The following CCR2 variants were observed in gnomAD, a reference collection of about 807,000 sequenced individuals.
The protein encoded by CCR2 is C-C chemokine receptor type 2.
For synonymous variants in CCR2, 183 were observed against 177.1 expected, an observed-to-expected ratio of 1.03 and a Z score of -0.27; for missense variants, 408 against 440.0, an observed-to-expected ratio of 0.93 and a Z score of 0.65.
rs769048884 is a variant in CCR2 at position 46,357,665 on chromosome 3, T to C, written c.138T>C (p.Pro46=). Residue 46 remains proline (P), a synonymous_variant, in exon 2 of 2, where the codon CCT becomes CCC. Coordinates refer to ENST00000445132, the MANE Select transcript of CCR2 (RefSeq NM_001123396.4). ...AGCAAATTGGGGCCCAACTCCTGCC[T>C]CCGCTCTACTCGCTGGTGTTCATCT... The part of the protein sequence containing the change: ...DVKQIGAQLL[P]PLYSLVFIFG... 2.5e-6 allele frequency: 4 copies of C among 1,614,034 alleles called. No homozygotes were observed. In the African/African-American group the frequency reaches 5.3e-5, roughly 22 times the overall value.
intron 1 of CCR2, among the ~76,000 whole-genome samples, chr3:46,355,129 C>T (rs969865947): frequency 1.3e-5 from 2 of 152,138 alleles, no homozygotes; most frequent in African/African-American, 4.8e-5. Flanking sequence ...AAAATAGAAG[C>T]ATAATCCAGT....
In CCR2 at chr3:46,358,909, A is replaced by C; in HGVS notation, c.*299A>C. On this transcript the variant is annotated 3_prime_UTR_variant, in exon 2 of 2. Transcript: ENST00000445132. ...CTAGTCTTCATAATTTCTTCACTCA[A>C]TCTCTGATTCTGTCAATGTCTTGAA... 1 of 1,100,666 alleles carries C rather than the reference A, an allele frequency of 9.1e-7. No individual in the cohort carries two copies. Among genetic ancestry groups the C allele is most frequent in the Non-Finnish European group, 1.1e-6 (1 of 891,944 alleles). The allele number at this position is 1,100,666 out of a possible 1,614,324, so 68.2% of individuals were successfully genotyped here.
chr3:46,357,807 A>C lies in CCR2; in HGVS notation c.280A>C (p.Thr94Pro). The change falls in exon 2 of 2, where the codon ACT (threonine) becomes CCT (proline). Residue 94 changes from threonine to proline, a missense_variant. Physicochemically the swap from Thr to Pro is conservative, Grantham distance 38. Coordinates refer to ENST00000445132, the MANE Select transcript of CCR2 (RefSeq NM_001123396.4). ...LAISDLLFLI[T>P]LPLWAHSAAN... ...CATCTCTGATCTGCTTTTTCTTATTACTCTCCCATTGTGGGCTCACTCTGC... is the reference window on the plus strand; with the variant it reads ...CATCTCTGATCTGCTTTTTCTTATTCCTCTCCCATTGTGGGCTCACTCTGC... 6.2e-7 allele frequency: 1 copy of C among 1,613,700 alleles called. No individual in the cohort carries two copies. The highest frequency in any genetic ancestry group is 1.1e-5 in the South Asian group (1 of 91,056).
At chr3:46,354,487 G>T (rs531468205) in intron 1 of CCR2, among the ~76,000 whole-genome samples, 1 of 152,208 alleles carries the variant, frequency 6.6e-6, no homozygotes, top group African/African-American at 2.4e-5. Flanking sequence ...ACCCAAGGAC[G>T]TTAAAGAGCT....
Position 46,358,428 on chromosome 3 carries a change from A to G in CCR2, c.901A>G (p.Asn301Asp). 1 of 1,614,004 alleles carries G rather than the reference A, an allele frequency of 6.2e-7. No homozygotes were observed. The highest frequency in any genetic ancestry group is 1.3e-5 in the African/African-American group (1 of 74,978). ...TCTTGGGATGACTCACTGCTGCATCAATCCCATCATCTATGCCTTCGTTGG... is the reference window on the plus strand; with the variant it reads ...TCTTGGGATGACTCACTGCTGCATCGATCCCATCATCTATGCCTTCGTTGG... ...ETLGMTHCCI[N>D]PIIYAFVGEK... The change falls in exon 2 of 2, where the codon AAT becomes GAT. Residue 301 changes from asparagine (N) to aspartate (D), a missense_variant. Asn to Asp is a conservative substitution (Grantham distance 23). Coordinates refer to ENST00000445132, the MANE Select transcript of CCR2 (RefSeq NM_001123396.4).
rs548288996 is a variant in CCR2 at position 46,359,605 on chromosome 3, T to C, written c.*995T>C. ...AACCCAGTAAAGCTTCTTGTCTGGA[T>C]CTGAGCTGGTTTGTTTTGTGCTTGC... On this transcript the variant is annotated 3_prime_UTR_variant, in exon 2 of 2. Coordinates refer to ENST00000445132, the MANE Select transcript of CCR2 (RefSeq NM_001123396.4). The C allele has an allele frequency of 7.6e-6, 11 of 1,438,714 alleles. No individual in the cohort carries two copies. The Admixed American group carries it at 2.4e-4, about 32-fold the overall frequency. The allele number at this position is 1,438,714 out of a possible 1,614,324, so 89.1% of individuals were successfully genotyped here. A position where few individuals can be genotyped will look rare whatever the true frequency, so the allele number is the denominator to read the frequency against.
chr3:46,358,620 C>G lies in CCR2; in HGVS notation c.*10C>G, dbSNP rs139853760. On this transcript the variant is annotated 3_prime_UTR_variant, in exon 2 of 2. Coordinates refer to ENST00000445132, the MANE Select transcript of CCR2 (RefSeq NM_001123396.4). ...CTCGGCTGGTTTATAAAACGAGGAG[C>G]AGTTTGATTGTTGTTTATAAAGGGA... 2 of 1,557,088 alleles carry G rather than the reference C, an allele frequency of 1.3e-6. No homozygotes were observed. Among genetic ancestry groups the G allele is most frequent in the South Asian group, 1.2e-5 (1 of 85,138 alleles).
rs747673910 is a variant in CCR2 at position 46,358,346 on chromosome 3, C to T, written c.819C>T (p.Gly273=). 3.1e-6 allele frequency: 5 copies of T among 1,614,176 alleles called. No individual in the cohort carries two copies. The Admixed American group carries it at 5.0e-5, about 16-fold the overall frequency. Residue 273 remains glycine, a synonymous_variant, in exon 2 of 2, where the codon GGC becomes GGT. Coordinates refer to ENST00000445132, the MANE Select transcript of CCR2 (RefSeq NM_001123396.4). ...TGAACACCTTCCAGGAATTCTTCGG[C>T]CTGAGTAACTGTGAAAGCACCAGTC... ...ILLNTFQEFF[G]LSNCESTSQL... is the part of the protein sequence containing the mutation.
rs1171931591 is a variant in CCR2, at chr3:46,359,800, A to T, written c.*1190A>T. 6.2e-7 allele frequency: 1 copy of T among 1,614,060 alleles called. No homozygotes were observed. The highest frequency in any genetic ancestry group is 2.2e-5 in the East Asian group (1 of 44,890). Reference sequence around the variant, plus strand: ...CACAAGGACTCCTCGATGGTCGTGGAAAAGGAAAGTCAATTGGCAGAGCCC... The same window carrying T: ...CACAAGGACTCCTCGATGGTCGTGGTAAAGGAAAGTCAATTGGCAGAGCCC... On this transcript the variant is annotated 3_prime_UTR_variant, in exon 2 of 2. Transcript: ENST00000445132.
In CCR2 at chr3:46,359,614, G is replaced by T; in HGVS notation, c.*1004G>T. 1 of 1,503,856 alleles carries T rather than the reference G, an allele frequency of 6.6e-7. No homozygotes were observed. Among genetic ancestry groups the T allele is most frequent in the East Asian group, 2.3e-5 (1 of 43,862 alleles). 93.2% of individuals were successfully genotyped at this position (1,503,856 alleles called of 1,614,324 possible). On this transcript the variant is annotated 3_prime_UTR_variant, in exon 2 of 2. Transcript: ENST00000445132. Reference sequence around the variant, plus strand: ...AAGCTTCTTGTCTGGATCTGAGCTGGTTTGTTTTGTGCTTGCTTTTCCCTG... The same window carrying T: ...AAGCTTCTTGTCTGGATCTGAGCTGTTTTGTTTTGTGCTTGCTTTTCCCTG...
In CCR2 at chr3:46,358,140, A is replaced by G. The variant is rs1485744383; in HGVS notation, c.613A>G (p.Met205Val). 3 of 1,614,008 alleles carry G rather than the reference A, an allele frequency of 1.9e-6. No individual in the cohort carries two copies. In the African/African-American group the frequency reaches 4.0e-5, roughly 22 times the overall value. ...AGGATGGAATAATTTCCACACAATA[A>G]TGAGGAACATTTTGGGGCTGGTCCT... ...PRGWNNFHTI[M>V]RNILGLVLPL... is the part of the protein sequence containing the mutation. The change falls in exon 2 of 2, where the codon ATG (methionine) becomes GTG (valine). Residue 205 changes from methionine to valine, a missense_variant. Met to Val is a conservative substitution (Grantham distance 21). Coordinates refer to ENST00000445132, the MANE Select transcript of CCR2 (RefSeq NM_001123396.4).
intron 1 of CCR2, among the ~76,000 whole-genome samples, chr3:46,354,507 A>G (rs190199583): frequency 6.6e-5 from 10 of 152,304 alleles, no homozygotes; most frequent in Admixed American, 6.5e-4. Flanking sequence ...TGGAACTGTT[A>G]GTCTAAATAT....
At position 46,357,586 on chromosome 3, in the gene CCR2, T is replaced by C; in HGVS notation, c.59T>C (p.Val20Ala). 3.7e-6 allele frequency: 6 copies of C among 1,614,068 alleles called. No homozygotes were observed. Among genetic ancestry groups the C allele is most frequent in the Non-Finnish European group, 5.1e-6 (6 of 1,179,976 alleles). The change falls in exon 2 of 2, where the codon GTC becomes GCC. Residue 20 changes from valine to alanine, a missense_variant. Coordinates refer to ENST00000445132, the MANE Select transcript of CCR2 (RefSeq NM_001123396.4). ...AATACCAACGAGAGCGGTGAAGAAG[T>C]CACCACCTTTTTTGATTATGATTAC... ...IRNTNESGEE[V>A]TTFFDYDYGA... is the part of the protein sequence containing the mutation.
rs1290268809 is a variant in CCR2, at chr3:46,359,688, T to C, written c.*1078T>C. On this transcript the variant is annotated 3_prime_UTR_variant, in exon 2 of 2. Coordinates refer to ENST00000445132, the MANE Select transcript of CCR2 (RefSeq NM_001123396.4). The stretch of plus-strand genomic sequence containing the variant: ...TCTTTTCCCCACAGCCTTTTTCACA[T>C]AGCTCTTGGCTGTAGGATTGCCCCA... 1.2e-6 allele frequency: 2 copies of C among 1,608,468 alleles called. No homozygotes were observed. The highest frequency in any genetic ancestry group is 1.7e-6 in the Non-Finnish European group (2 of 1,178,672).
In CCR2 at chr3:46,358,531, T is replaced by C. The variant is rs763472269; in HGVS notation, c.1004T>C (p.Phe335Ser). ...TKRFCKQCPV[F>S]YRETVDGVTS... ...CGCTTCTGCAAACAATGTCCAGTTT[T>C]CTACAGGGAGACAGTGGATGGAGTG... The change falls in exon 2 of 2, where the codon TTC (phenylalanine) becomes TCC (serine). Residue 335 changes from phenylalanine (F) to serine (S), a missense_variant. Coordinates refer to ENST00000445132, the MANE Select transcript of CCR2 (RefSeq NM_001123396.4). The C allele has an allele frequency of 3.1e-6, 5 of 1,612,780 alleles. No homozygotes were observed. The South Asian group carries it at 5.5e-5, about 18-fold the overall frequency.
At chr3:46,357,029 T>A (rs1197701524) in intron 1 of CCR2, among the ~76,000 whole-genome samples, 2 of 152,152 alleles carry the variant, frequency 1.3e-5, no homozygotes, top group Non-Finnish European at 2.9e-5. Flanking sequence ...CTTCCATTCA[T>A]GGCACCATGC....
chr3:46,355,329 G>A (rs557171085), intron 1 of CCR2, among the ~76,000 whole-genome samples: 2 of 152,262 alleles, frequency 1.3e-5, no homozygotes, highest in East Asian at 3.9e-4. Context: ...AGAGGGGCAA[G>A]GACCTGCAAA....
Position 46,359,521 on chromosome 3 carries a change from C to A in CCR2, c.*911C>A, listed in dbSNP as rs1701513821. On this transcript the variant is annotated 3_prime_UTR_variant, in exon 2 of 2. Coordinates refer to ENST00000445132, the MANE Select transcript of CCR2 (RefSeq NM_001123396.4). The stretch of plus-strand genomic sequence containing the variant: ...AGCAAAGGACGGGGATCGTGTGGAA[C>A]CACTGCAGAACTATTTCCGAAATCA... 4.1e-6 allele frequency: 4 copies of A among 981,724 alleles called. No homozygotes were observed. Among genetic ancestry groups the A allele is most frequent in the Admixed American group, 6.4e-5 (2 of 31,276 alleles). The allele number at this position is 981,724 out of a possible 1,614,324, so 60.8% of individuals were successfully genotyped here.
rs778431432 is a variant in CCR2, at chr3:46,358,102, C to T, written c.575C>T (p.Pro192Leu). ...GAAGATTCTGTTTATGTCTGTGGCC[C>T]TTATTTTCCACGAGGATGGAATAAT... ...QKEDSVYVCGPYFPRGWNNFH... is the reference protein window; with the variant it reads ...QKEDSVYVCGLYFPRGWNNFH... The change falls in exon 2 of 2, where the codon CCT becomes CTT. Residue 192 changes from proline to leucine, a missense_variant. Pro to Leu is a moderately conservative substitution (Grantham distance 98). Coordinates refer to ENST00000445132, the MANE Select transcript of CCR2 (RefSeq NM_001123396.4). The T allele has an allele frequency of 6.2e-7, 1 of 1,614,136 alleles. No individual in the cohort carries two copies. Among genetic ancestry groups the T allele is most frequent in the Non-Finnish European group, 8.5e-7 (1 of 1,180,006 alleles).
Sources: gnomAD v4.1 joint callset for allele counts (sites outside exome capture counted in the v4.1 genomes callset) on GRCh38, gnomAD v4.1.1 for gene constraint, MANE v1.5 for transcripts, NCBI Gene and HGNC (gene_info 2026-07-23, HGNC 2026-07-21) for gene names.